The following RAB28 variants were observed in gnomAD, a reference collection of about 807,000 sequenced individuals.
RAB28 encodes RAB28, member RAS oncogene family.
RAB28 carries 24 observed loss-of-function variants against 31.7 expected under a neutral mutation model. That is an observed-to-expected ratio of 0.76 (90% confidence interval 0.55 to 1.06). RAB28 has a LOEUF of 1.06. RAB28 is among the 50% of genes least tolerant of loss of function. The pLI is 0.00. For missense variants in RAB28, 254 were observed against 258.5 expected (o/e 0.98, Z 0.12); for synonymous variants, 100 against 90.4 (o/e 1.11, Z -0.60).
At chr4:13,427,374 CAGACA>C (rs1406861899) in intron 4 of RAB28, among the ~76,000 whole-genome samples, 2 of 152,170 alleles carry the variant, frequency 1.3e-5, no homozygotes, top group Admixed American at 6.5e-5. Context: ...CAATGAATGT[CAGACA>C]AGACAAGCAT....
At chr4:13,372,225 A>G (rs1238374205) in intron 6 of RAB28, among the ~76,000 whole-genome samples, 2 of 152,128 alleles carry the variant, frequency 1.3e-5, no homozygotes, top group Admixed American at 1.3e-4. Flanking sequence ...GTAAACTACT[A>G]AAGAATATTC....
intron 4 of RAB28, among the ~76,000 whole-genome samples, chr4:13,399,802 T>A (rs1711641734): frequency 6.6e-6 from 1 of 152,202 alleles, no homozygotes; most frequent in South Asian, 2.1e-4. Flanking sequence ...CTTTTTCAGT[T>A]ATTTTGTGTT....
At chr4:13,379,243 G>A (rs1190575733) in intron 5 of RAB28, among the ~76,000 whole-genome samples, 4 of 150,780 alleles carry the variant, frequency 2.7e-5, no homozygotes, top group African/African-American at 7.3e-5. Context: ...CCTAGGTGAG[G>A]GGAAGAGGTG....
chr4:13,390,869 T>A (rs1729597388), intron 4 of RAB28, among the ~76,000 whole-genome samples: 1 of 152,204 alleles, frequency 6.6e-6, no homozygotes, highest in African/African-American at 2.4e-5. Context: ...AAGGTGAAAC[T>A]GGATCCCTTC....
intron 6 of RAB28, chr4:13,371,757 G>C (rs1728721246): frequency 2.6e-6 from 4 of 1,545,958 alleles, no homozygotes; most frequent in South Asian, 1.2e-5. Context: ...GCCATTTATT[G>C]ATGTTTTTAG....
At chr4:13,397,676 A>C (rs540407439) in intron 4 of RAB28, among the ~76,000 whole-genome samples, 1 of 152,240 alleles carries the variant, frequency 6.6e-6, no homozygotes, top group East Asian at 1.9e-4. Context: ...GACCATGATT[A>C]ATCCTTTAAA....
At chr4:13,423,381 C>CA (rs1243998820) in intron 4 of RAB28, among the ~76,000 whole-genome samples, 2 of 151,404 alleles carry the variant, frequency 1.3e-5, no homozygotes, top group African/African-American at 4.9e-5. Flanking sequence ...ACTAAAAATA[C>CA]AAAAAATTAG....
chr4:13,432,820 C>A (rs1347617680), intron 4 of RAB28, among the ~76,000 whole-genome samples: 1 of 152,028 alleles, frequency 6.6e-6, no homozygotes, highest in Non-Finnish European at 1.5e-5. Context: ...ACAATACTTG[C>A]TATCATAAAA....
intron 4 of RAB28, among the ~76,000 whole-genome samples, chr4:13,411,781 T>C (rs923010326): frequency 4.0e-5 from 6 of 151,838 alleles, no homozygotes; most frequent in African/African-American, 9.7e-5. Flanking sequence ...AAAATGTTAA[T>C]TGATTACAAA....
intron 4 of RAB28, among the ~76,000 whole-genome samples, chr4:13,399,747 T>G (rs1222595610): frequency 6.6e-6 from 1 of 152,240 alleles, no homozygotes; most frequent in Non-Finnish European, 1.5e-5. Flanking sequence ...TGTCCTTTTT[T>G]TAACGAACGG....
chr4:13,378,109 T>C (rs575465260), intron 5 of RAB28, among the ~76,000 whole-genome samples: 11 of 152,254 alleles, frequency 7.2e-5, no homozygotes, highest in African/African-American at 2.6e-4. Flanking sequence ...GCCAGAAGAC[T>C]AAATAAAGCC....
At chr4:13,410,234 G>A (rs1712356875) in intron 4 of RAB28, among the ~76,000 whole-genome samples, 1 of 152,118 alleles carries the variant, frequency 6.6e-6, no homozygotes, top group Admixed American at 6.5e-5. Context: ...TGTAAGAACA[G>A]TCTAATATAG....
intron 4 of RAB28, among the ~76,000 whole-genome samples, chr4:13,434,383 T>C (rs1577210662): frequency 6.6e-6 from 1 of 152,200 alleles, no homozygotes; most frequent in Non-Finnish European, 1.5e-5. Context: ...GATTTAACCA[T>C]GCTAAATTCA....
At chr4:13,402,642 A>G (rs1397822811) in intron 4 of RAB28, among the ~76,000 whole-genome samples, 2 of 152,086 alleles carry the variant, frequency 1.3e-5, no homozygotes, top group East Asian at 3.9e-4. Flanking sequence ...ATTTTTATAG[A>G]CTGTATATAG....
rs1363969461 is a variant in RAB28 at position 13,422,429 on chromosome 4, C to G, written c.391+38270G>C. 3.9e-5 allele frequency among the ~76,000 whole-genome samples: 6 copies of G among 152,182 alleles called. No homozygotes were observed. The East Asian group carries it at 1.2e-3, about 29-fold the overall frequency. On this transcript the variant is annotated intron_variant, in intron 4 of 6. Transcript: ENST00000330852. ...ATCCAAAGGATTATAAATCATGCTACTATAAAGACACATGCACACCTATGT... is the reference window on the plus strand; with the variant it reads ...ATCCAAAGGATTATAAATCATGCTAGTATAAAGACACATGCACACCTATGT...
intron 4 of RAB28, among the ~76,000 whole-genome samples, chr4:13,443,777 G>T (rs1278433435): frequency 6.6e-6 from 1 of 152,042 alleles, no homozygotes; most frequent in East Asian, 1.9e-4. Context: ...CTGTACAATA[G>T]ATCCCCAGAA....
At chr4:13,408,245 C>T (rs533908303) in intron 4 of RAB28, among the ~76,000 whole-genome samples, 45 of 152,194 alleles carry the variant, frequency 3.0e-4, no homozygotes, top group African/African-American at 1.0e-3. Flanking sequence ...TTGTCAAAGG[C>T]CTTTTCTGCA....
intron 4 of RAB28, among the ~76,000 whole-genome samples, chr4:13,456,180 C>T (rs893106658): frequency 6.6e-6 from 1 of 152,142 alleles, no homozygotes; most frequent in African/African-American, 2.4e-5. Context: ...AAGAATGGCC[C>T]TACCCAACAC....
chr4:13,381,784 C>A (rs532082946), intron 4 of RAB28, among the ~76,000 whole-genome samples, 190 bp from the exon 5 acceptor site: 4 of 152,022 alleles, frequency 2.6e-5, no homozygotes, highest in East Asian at 1.9e-4. Flanking sequence ...AATAAATATA[C>A]CTATTTTGTA....
Sources: gnomAD v4.1 joint callset for allele counts (sites outside exome capture counted in the v4.1 genomes callset) on GRCh38, gnomAD v4.1.1 for gene constraint, MANE v1.5 for transcripts, NCBI Gene and HGNC (gene_info 2026-07-23, HGNC 2026-07-21) for gene names.